The following PREX2 variants were observed in gnomAD, a reference collection of about 807,000 sequenced individuals.
The protein encoded by PREX2 is phosphatidylinositol 3,4,5-trisphosphate-dependent Rac exchanger 2 protein.
A neutral mutation model predicts 203.2 loss-of-function variants in PREX2; 107 were observed. The observed-to-expected ratio is 0.53, with a 90% CI of 0.45 to 0.62. The LOEUF (loss-of-function observed/expected upper bound fraction) is 0.62, where lower values mean the gene tolerates loss of function less well. PREX2 is among the 20% of genes least tolerant of loss of function. The pLI, the probability that PREX2 is intolerant of heterozygous loss-of-function variation, is 0.00. For missense variants in PREX2, 1,777 were observed against 1,955.9 expected (o/e 0.91, Z 1.72); for synonymous variants, 672 against 663.6 (o/e 1.01, Z -0.19).
Position 68,184,199 on chromosome 8 carries a change from C to T in PREX2, c.4347-7523C>T, listed in dbSNP as rs114533833. On this transcript the variant is annotated intron_variant, in intron 35 of 39. Coordinates refer to ENST00000288368, the MANE Select transcript of PREX2 (RefSeq NM_024870.4). ...CGTGTATTCTTTAACCACATGTGGC[C>T]GCAGGTTGAACCTGTCTGGTGATTT... 3.3e-3 allele frequency among the ~76,000 whole-genome samples: 498 copies of T among 152,144 alleles called. 4 individuals carry two copies. Among genetic ancestry groups the T allele is most frequent in the African/African-American group, 0.011 (476 of 41,506 alleles).
intron 35 of PREX2, among the ~76,000 whole-genome samples, chr8:68,165,216 C>T (rs938761597): frequency 2.6e-5 from 4 of 151,928 alleles, no homozygotes; most frequent in Admixed American, 6.6e-5. Context: ...ATCAATAATT[C>T]GTCTTGGTTT....
At chr8:68,126,858 C>T (rs867055984) in intron 30 of PREX2, among the ~76,000 whole-genome samples, 6 of 151,600 alleles carry the variant, frequency 4.0e-5, no homozygotes, top group South Asian at 4.2e-4. Context: ...TATACACACA[C>T]GTATGTGTGT....
intron 8 of PREX2, among the ~76,000 whole-genome samples, chr8:68,047,626 A>G (rs1585736014): frequency 2.0e-5 from 3 of 151,002 alleles, no homozygotes; most frequent in African/African-American, 7.3e-5. Flanking sequence ...ACTTGAACCC[A>G]TGATTCTCTC....
chr8:68,080,018 T>C (rs1366637649), intron 15 of PREX2, among the ~76,000 whole-genome samples: 1 of 152,200 alleles, frequency 6.6e-6, no homozygotes, highest in Non-Finnish European at 1.5e-5. Context: ...ATTTGAATTT[T>C]CCCATAATTG....
chr8:68,208,045 G>A (rs1002057919), intron 37 of PREX2, among the ~76,000 whole-genome samples: 1 of 152,154 alleles, frequency 6.6e-6, no homozygotes, highest in African/African-American at 2.4e-5. Flanking sequence ...CCATTCCTGT[G>A]TTTGTATTTA....
At chr8:68,160,562 C>T (rs1811634409) in intron 35 of PREX2, among the ~76,000 whole-genome samples, 3 of 152,000 alleles carry the variant, frequency 2.0e-5, no homozygotes, top group Non-Finnish European at 2.9e-5. Flanking sequence ...ATGTAATATA[C>T]CAAATAAGCC....
chr8:68,076,724 CAT>C (rs1809361886), intron 14 of PREX2, among the ~76,000 whole-genome samples: 1 of 145,892 alleles, frequency 6.9e-6, no homozygotes, highest in Non-Finnish European at 1.5e-5. Context: ...CACACACACA[CAT>C]GCATGTTCAT....
chr8:68,036,038 GGTCA>G (rs1265460164), intron 6 of PREX2, among the ~76,000 whole-genome samples: 1 of 152,140 alleles, frequency 6.6e-6, no homozygotes, highest in Non-Finnish European at 1.5e-5. Flanking sequence ...ACCTTAAAGA[GGTCA>G]GTCAATCGTA....
chr8:67,973,944 TTGCAAAACTTAA>T (rs1262254354), intron 1 of PREX2, among the ~76,000 whole-genome samples: 1 of 152,216 alleles, frequency 6.6e-6, no homozygotes, highest in African/African-American at 2.4e-5. Flanking sequence ...CTTTCACTTA[TTGCAAAACTTAA>T]TGCACATTTT....
At chr8:68,181,056 T>C (rs996800677) in intron 35 of PREX2, among the ~76,000 whole-genome samples, 4 of 152,196 alleles carry the variant, frequency 2.6e-5, no homozygotes, top group African/African-American at 9.6e-5. Context: ...CTTTAAATTA[T>C]TTACTTTTGA....
At chr8:68,001,160 G>C (rs7016208) in intron 1 of PREX2, among the ~76,000 whole-genome samples, 103,910 of 151,606 alleles carry the variant, frequency 0.69, 35,811 homozygotes, top group South Asian at 0.81. Context: ...AACAGACAAC[G>C]TACCCAATAG....
chr8:68,029,814 A>G (rs538919997), intron 5 of PREX2, among the ~76,000 whole-genome samples: 36 of 152,250 alleles, frequency 2.4e-4, no homozygotes, highest in African/African-American at 8.2e-4. Context: ...TCTAGTTTTG[A>G]TGAATGGGAA....
intron 39 of PREX2, among the ~76,000 whole-genome samples, chr8:68,228,605 A>T (rs1041569341): frequency 6.6e-6 from 1 of 151,868 alleles, no homozygotes; most frequent in African/African-American, 2.4e-5. Context: ...TACTAAAAAT[A>T]TAAAAAAAAA....
intron 1 of PREX2, among the ~76,000 whole-genome samples, chr8:67,976,505 GGGAC>G (rs1408995667): frequency 0.08 from 8,538 of 106,180 alleles, 1,177 homozygotes; most frequent in East Asian, 0.18. Flanking sequence ...GACAGAGAGA[GGGAC>G]AGACAGAGAC....
chr8:68,104,893 C>G (rs998784437), intron 23 of PREX2, among the ~76,000 whole-genome samples: 3 of 152,140 alleles, frequency 2.0e-5, no homozygotes, highest in Non-Finnish European at 2.9e-5. Context: ...CCCAATACAC[C>G]TCTCTCCACA....
chr8:67,990,027 T>C (rs185911917), intron 1 of PREX2, among the ~76,000 whole-genome samples: 1 of 152,188 alleles, frequency 6.6e-6, no homozygotes, highest in East Asian at 1.9e-4. Context: ...GCTGTGTTGC[T>C]CAGGCTGGAG....
intron 1 of PREX2, among the ~76,000 whole-genome samples, chr8:67,985,637 C>G (rs1292221271): frequency 6.6e-6 from 1 of 152,154 alleles, no homozygotes; most frequent in Admixed American, 6.5e-5. Flanking sequence ...TTAAGTAGGG[C>G]AGCTGGTGAA....
intron 18 of PREX2, among the ~76,000 whole-genome samples, chr8:68,084,193 C>A (rs1809613652): frequency 6.6e-6 from 1 of 151,956 alleles, no homozygotes; most frequent in Non-Finnish European, 1.5e-5. Context: ...AATTGTTTAA[C>A]CACTTAATTA....
At chr8:68,025,773 T>C (rs901396072) in intron 4 of PREX2, among the ~76,000 whole-genome samples, 1 of 152,042 alleles carries the variant, frequency 6.6e-6, no homozygotes, top group Non-Finnish European at 1.5e-5. Context: ...TCAGGAAACA[T>C]ATTCTTCATG....
Sources: gnomAD v4.1 joint callset for allele counts (sites outside exome capture counted in the v4.1 genomes callset) on GRCh38, gnomAD v4.1.1 for gene constraint, MANE v1.5 for transcripts, NCBI Gene and HGNC (gene_info 2026-07-23, HGNC 2026-07-21) for gene names.